The following DNAJC15 variants were observed in gnomAD, a reference collection of about 807,000 sequenced individuals.
The protein encoded by DNAJC15 is DnaJ heat shock protein family (Hsp40) member C15.
A neutral mutation model predicts 22.4 loss-of-function variants in DNAJC15; 27 were observed. The observed-to-expected ratio is 1.20, with a 90% CI of 0.89 to 1.66. DNAJC15 has a LOEUF of 1.66. DNAJC15 is among the 40% of genes most tolerant of loss of function. DNAJC15 has a pLI of 0.00. For synonymous variants in DNAJC15, 79 were observed against 63.2 expected, an observed-to-expected ratio of 1.25 and a Z score of -1.19; for missense variants, 208 against 187.1, an observed-to-expected ratio of 1.11 and a Z score of -0.65.
At chr13:43,047,909 A>G (rs1328050716) in intron 1 of DNAJC15, among the ~76,000 whole-genome samples, 1 of 152,226 alleles carries the variant, frequency 6.6e-6, no homozygotes, top group Non-Finnish European at 1.5e-5. Context: ...ATCAGAAACC[A>G]TAACTGTGTA....
intron 1 of DNAJC15, among the ~76,000 whole-genome samples, chr13:43,063,104 G>T (rs2040567052): frequency 6.6e-6 from 1 of 152,040 alleles, no homozygotes; most frequent in Admixed American, 6.6e-5. Flanking sequence ...CCACCTTCCA[G>T]GTTCAAGTGA....
In DNAJC15 at chr13:43,023,617, C is replaced by T. The variant is rs1281946548; in HGVS notation, c.-10C>T. 1 of 1,605,906 alleles carries T rather than the reference C, an allele frequency of 6.2e-7. No homozygotes were observed. Among genetic ancestry groups the T allele is most frequent in the Non-Finnish European group, 8.5e-7 (1 of 1,176,348 alleles). ...TGCCGCGGCGCCTTGAGTCTCCGGG[C>T]CGCCTTGCCATGGCTGCCCGTGGTG... On this transcript the variant is annotated 5_prime_UTR_variant, in exon 1 of 6. Coordinates refer to ENST00000379221, the MANE Select transcript of DNAJC15 (RefSeq NM_013238.3).
chr13:43,096,688 A>G (rs1195291095), intron 5 of DNAJC15, among the ~76,000 whole-genome samples: 1 of 152,230 alleles, frequency 6.6e-6, no homozygotes, highest in African/African-American at 2.4e-5. Flanking sequence ...AAAAATGGCC[A>G]CAGATTCTTC....
intron 5 of DNAJC15, among the ~76,000 whole-genome samples, chr13:43,086,100 C>A (rs1024470118): frequency 6.6e-6 from 1 of 152,120 alleles, no homozygotes; most frequent in Non-Finnish European, 1.5e-5. Flanking sequence ...CCATTTTTAT[C>A]AAGAAAAATC....
chr13:43,058,318 TGGGTGGGGACATAGA>T (rs984326861), intron 1 of DNAJC15, among the ~76,000 whole-genome samples: 25 of 152,198 alleles, frequency 1.6e-4, no homozygotes, highest in African/African-American at 6.0e-4. Flanking sequence ...TCTCAGCTGA[TGGGTGGGGACATAGA>T]GCTCCCAAGA....
chr13:43,056,220 C>G (rs957509719), intron 1 of DNAJC15, among the ~76,000 whole-genome samples: 10 of 151,188 alleles, frequency 6.6e-5, no homozygotes, highest in African/African-American at 2.4e-4. Context: ...AGTGCAATCT[C>G]AGCTCACTGC....
At chr13:43,056,339 T>C (rs2040531364) in intron 1 of DNAJC15, among the ~76,000 whole-genome samples, 1 of 152,134 alleles carries the variant, frequency 6.6e-6, no homozygotes, top group Admixed American at 6.5e-5. Flanking sequence ...GGTTTCACCA[T>C]GTTGGTCAGG....
At chr13:43,043,206 C>T (rs1255991712) in intron 1 of DNAJC15, among the ~76,000 whole-genome samples, 2 of 152,232 alleles carry the variant, frequency 1.3e-5, no homozygotes, top group African/African-American at 4.8e-5. Context: ...CTCCCGGGTT[C>T]AAGCGAGTCT....
At chr13:43,067,918 A>G (rs1383019701) in intron 2 of DNAJC15, among the ~76,000 whole-genome samples, 1 of 152,114 alleles carries the variant, frequency 6.6e-6, no homozygotes, top group African/African-American at 2.4e-5. Flanking sequence ...ATTTAATTTC[A>G]CTTTATTTAA....
chr13:43,082,051 A>G (rs980990252), intron 4 of DNAJC15, among the ~76,000 whole-genome samples: 1 of 151,918 alleles, frequency 6.6e-6, no homozygotes, highest in African/African-American at 2.4e-5. Context: ...ACCCGCCCCC[A>G]TCATTCAGTT....
chr13:43,064,635 G>A (rs1028735), intron 1 of DNAJC15, among the ~76,000 whole-genome samples: 36,184 of 152,076 alleles, frequency 0.24, 4,790 homozygotes, highest in Non-Finnish European at 0.3. Context: ...TTAGGAAGAT[G>A]GAACTTTTAT....
intron 1 of DNAJC15, among the ~76,000 whole-genome samples, chr13:43,024,349 T>TTTG (rs1458935632): frequency 1.4e-5 from 2 of 141,600 alleles, no homozygotes; most frequent in African/African-American, 5.3e-5. Flanking sequence ...TTTTTTTTTT[T>TTTG]TTTTTTTTTT....
chr13:43,052,518 A>G (rs2040510155), intron 1 of DNAJC15, among the ~76,000 whole-genome samples: 1 of 151,818 alleles, frequency 6.6e-6, no homozygotes, highest in African/African-American at 2.4e-5. Context: ...CCTGGGTTCA[A>G]GCGATTCTCC....
chr13:43,063,154 C>G (rs1354004076), intron 1 of DNAJC15, among the ~76,000 whole-genome samples: 1 of 151,980 alleles, frequency 6.6e-6, no homozygotes, highest in South Asian at 2.1e-4. Context: ...GGATTACAGG[C>G]ACACGCTCCC....
Position 43,112,530 on chromosome 13 carries a change from C to T in DNAJC15, c.*5282C>T, listed in dbSNP as rs1205613642. 1 of 152,162 alleles carries T rather than the reference C, an allele frequency of 6.6e-6. No individual in the cohort carries two copies. Among genetic ancestry groups the T allele is most frequent in the Non-Finnish European group, 1.5e-5 (1 of 68,034 alleles). The allele number at this position is 152,162 out of a possible 1,614,324, so 9.4% of individuals were successfully genotyped here. A position where few individuals can be genotyped will look rare whatever the true frequency, so the allele number is the denominator to read the frequency against. ...CATAGAGATATTGGTTCAATATGGA[C>T]ATCTAAACTATAATGCTAAAAGCCA... On this transcript the variant is annotated 3_prime_UTR_variant, in exon 6 of 6. Coordinates refer to ENST00000379221, the MANE Select transcript of DNAJC15 (RefSeq NM_013238.3).
chr13:43,094,220 G>A (rs957058444), intron 5 of DNAJC15, among the ~76,000 whole-genome samples: 3 of 150,982 alleles, frequency 2.0e-5, no homozygotes, highest in South Asian at 2.1e-4. Context: ...ATTTTGTAAC[G>A]TCATTCATTG....
intron 1 of DNAJC15, among the ~76,000 whole-genome samples, chr13:43,061,160 G>T (rs184039173): frequency 3.9e-4 from 59 of 152,292 alleles, no homozygotes; most frequent in African/African-American, 1.3e-3. Flanking sequence ...ATGAAATGAC[G>T]ACAGAATAGA....
In DNAJC15 at chr13:43,024,893, T is replaced by TAAAAAAAAAAAAAAAAAAAAAAAAAAAAA. The variant is rs34398144; in HGVS notation, c.108+1177_108+1178insAAAAAAAAAAAAAAAAAAAAAAAAAAAAA. 7.1e-4 allele frequency among the ~76,000 whole-genome samples: 61 copies of TAAAAAAAAAAAAAAAAAAAAAAAAAAAAA among 85,942 alleles called. 4 individuals carry two copies. The highest frequency in any genetic ancestry group is 2.4e-3 in the African/African-American group (53 of 21,698). The allele number at this position is 85,942 out of a possible 152,430, so 56.4% of individuals were successfully genotyped here. A position where few individuals can be genotyped will look rare whatever the true frequency, so the allele number is the denominator to read the frequency against. On this transcript the variant is annotated intron_variant, in intron 1 of 5. Coordinates refer to ENST00000379221, the MANE Select transcript of DNAJC15 (RefSeq NM_013238.3). ...GCAACACAGGAGACCCCATCTCTGCTAAAAAAAAAAAAAAAAAATTAGCTG... is the reference window on the plus strand; with the variant it reads ...GCAACACAGGAGACCCCATCTCTGCTAAAAAAAAAAAAAAAAAAAAAAAAAAAAAAAAAAAAAAAAAAAAAAATTAGCTG...
chr13:43,098,483 T>G (rs999839319), intron 5 of DNAJC15, among the ~76,000 whole-genome samples: 16 of 152,210 alleles, frequency 1.1e-4, no homozygotes, highest in African/African-American at 3.6e-4. Flanking sequence ...GTTTCTGTGA[T>G]TCTCTAATGA....
Sources: allele counts gnomAD v4.1 joint callset (sites outside exome capture counted in the v4.1 genomes callset), GRCh38; gene constraint gnomAD v4.1.1; transcripts MANE v1.5; gene names NCBI Gene and HGNC (gene_info 2026-07-23, HGNC 2026-07-21).